ZFYVE9: variants seen among roughly 807,000 people sequenced by gnomAD.
ZFYVE9 encodes the protein zinc finger FYVE domain-containing protein 9.
Under a neutral mutation model 126.7 loss-of-function variants are expected in ZFYVE9, and 43 were observed. The ratio of observed to expected loss-of-function variants is 0.34; its 90% CI spans 0.27 to 0.44. The LOEUF (loss-of-function observed/expected upper bound fraction) is 0.44, where lower values mean the gene tolerates loss of function less well. Ranked by LOEUF, ZFYVE9 falls within the 20% of genes least tolerant of loss-of-function variation. The pLI is 1.00. For missense variants in ZFYVE9, 1,476 were observed against 1,697.0 expected (o/e 0.87, Z 2.29); for synonymous variants, 521 against 597.4 (o/e 0.87, Z 1.87).
chr1:52,251,900 A>G (rs1645451095), intron 4 of ZFYVE9, among the ~76,000 whole-genome samples: 2 of 151,502 alleles, frequency 1.3e-5, no homozygotes, highest in African/African-American at 2.4e-5. Flanking sequence ...TCTGTTTATT[A>G]CTGATTCAGT....
At chr1:52,185,855 G>A (rs958773665) in intron 1 of ZFYVE9, among the ~76,000 whole-genome samples, 2 of 151,602 alleles carry the variant, frequency 1.3e-5, no homozygotes, top group African/African-American at 4.9e-5. Context: ...GGGAGGCAGA[G>A]GTTGCAGTGA....
chr1:52,191,960 C>T (rs1644819710), intron 1 of ZFYVE9, among the ~76,000 whole-genome samples: 1 of 151,420 alleles, frequency 6.6e-6, no homozygotes, highest in Non-Finnish European at 1.5e-5. Flanking sequence ...GAGACTAAAA[C>T]ATGAAAAATA....
chr1:52,210,410 A>ACTC (rs1460669696), intron 1 of ZFYVE9, among the ~76,000 whole-genome samples: 2 of 150,298 alleles, frequency 1.3e-5, no homozygotes, highest in African/African-American at 5.0e-5. Flanking sequence ...CCTAAACTGT[A>ACTC]CTCTAAGAGA....
intron 4 of ZFYVE9, among the ~76,000 whole-genome samples, chr1:52,256,774 TATG>T (rs1167396008): frequency 7.1e-6 from 1 of 141,010 alleles, no homozygotes; most frequent in Non-Finnish European, 1.6e-5. Context: ...CTTTAGATCT[TATG>T]ATACTGATTT....
At chr1:52,166,251 G>A (rs1277351425) in intron 1 of ZFYVE9, among the ~76,000 whole-genome samples, 1 of 152,178 alleles carries the variant, frequency 6.6e-6, no homozygotes, top group Non-Finnish European at 1.5e-5. Context: ...TAAGGTGCAA[G>A]CAGTTCTACC....
chr1:52,307,501 T>G (rs1646095801), intron 13 of ZFYVE9, among the ~76,000 whole-genome samples: 1 of 152,180 alleles, frequency 6.6e-6, no homozygotes, highest in Non-Finnish European at 1.5e-5. Context: ...CCTCCCAAAG[T>G]GCTAGAATTA....
In ZFYVE9 at chr1:52,216,373, A is replaced by G; in HGVS notation, c.-138A>G. The G allele has an allele frequency of 2.5e-6, 1 of 398,508 alleles. No individual in the cohort carries two copies. The highest frequency in any genetic ancestry group is 4.4e-6 in the Non-Finnish European group (1 of 225,960). 24.7% of individuals were successfully genotyped at this position (398,508 alleles called of 1,614,324 possible). A position where few individuals can be genotyped will look rare whatever the true frequency, so the allele number is the denominator to read the frequency against. On this transcript the variant is annotated 5_prime_UTR_variant, in exon 2 of 19. Transcript: ENST00000287727. ...AGCAATGTGTTTTTCCTTTAGGATC[A>G]AACAGAGCATACTGAATCAGCAGGA... is the stretch of plus-strand genomic sequence containing the variant.
At chr1:52,263,173 G>A (rs1326043543) in intron 4 of ZFYVE9, among the ~76,000 whole-genome samples, 1 of 151,884 alleles carries the variant, frequency 6.6e-6, no homozygotes, top group Non-Finnish European at 1.5e-5. Flanking sequence ...AGATTACCAG[G>A]AACCAAGCCC....
Position 52,332,883 on chromosome 1 carries a change from C to T in ZFYVE9, c.3554C>T (p.Thr1185Ile). The T allele has an allele frequency of 1.2e-6, 2 of 1,614,108 alleles. No individual in the cohort carries two copies. Among genetic ancestry groups the T allele is most frequent in the Non-Finnish European group, 1.7e-6 (2 of 1,180,022 alleles). ...CVQNDDGNYQ[T>I]QAISIHNQPR... is the part of the protein sequence containing the mutation. Reference sequence around the variant, plus strand: ...CAGAATGATGATGGAAACTATCAGACCCAGGCTATCAGTATTCACAATCAG... The same window carrying T: ...CAGAATGATGATGGAAACTATCAGATCCAGGCTATCAGTATTCACAATCAG... Residue 1185 changes from threonine to isoleucine, a missense_variant, in exon 14 of 19, where the codon ACC (threonine) becomes ATC (isoleucine). By Grantham distance (89) the Thr-to-Ile change is moderately conservative. Around this residue, in one of 2 missense-constraint regions of ZFYVE9, gnomAD observed 669 missense variants for 902.4 expected, o/e 0.74. Coordinates refer to ENST00000287727, the MANE Select transcript of ZFYVE9 (RefSeq NM_004799.4).
At chr1:52,176,435 C>G (rs558436829) in intron 1 of ZFYVE9, among the ~76,000 whole-genome samples, 25 of 152,354 alleles carry the variant, frequency 1.6e-4, no homozygotes, top group African/African-American at 5.5e-4. Flanking sequence ...TTAGGCTGGT[C>G]AAGGGTCAAG....
At chr1:52,344,072 A>T (rs1646463909) in intron 17 of ZFYVE9, among the ~76,000 whole-genome samples, 1 of 133,730 alleles carries the variant, frequency 7.5e-6, no homozygotes, top group Admixed American at 7.4e-5. Context: ...CTTTGTTTCC[A>T]AAAAAAAAAA....
intron 10 of ZFYVE9, 121 bp from the exon 11 acceptor site, chr1:52,293,332 T>C: frequency 2.4e-6 from 2 of 820,288 alleles, no homozygotes; most frequent in East Asian, 6.1e-5. Flanking sequence ...TGAGCCAAGA[T>C]TGCGCCACTG....
chr1:52,162,943 C>A, intron 1 of ZFYVE9: 1 of 498,176 alleles, frequency 2.0e-6, no homozygotes, highest in South Asian at 2.2e-5. Flanking sequence ...CAATTTTACA[C>A]AAGCAGGAGT....
chr1:52,332,738 G>C (rs1476899203), intron 13 of ZFYVE9, 30 bp from the exon 14 acceptor site: 2 of 1,597,932 alleles, frequency 1.3e-6, no homozygotes, highest in Admixed American at 3.5e-5. Context: ...GCCCATTCTT[G>C]TCAGAATAAG....
intron 4 of ZFYVE9, among the ~76,000 whole-genome samples, chr1:52,251,059 GTTGT>G (rs1553128809): frequency 5.1e-5 from 5 of 98,372 alleles, no homozygotes; most frequent in Middle Eastern, 3.9e-3. Context: ...TGTTGTTGTT[GTTGT>G]TTGTTTGTTT....
intron 13 of ZFYVE9, among the ~76,000 whole-genome samples, chr1:52,330,732 G>A (rs1386165524): frequency 1.3e-5 from 2 of 152,108 alleles, no homozygotes; most frequent in African/African-American, 4.8e-5. Flanking sequence ...GGGTCTTTGT[G>A]ACCTGTATCT....
intron 10 of ZFYVE9, 128 bp from the exon 11 acceptor site, chr1:52,293,325 G>A (rs1645941109): frequency 1.3e-6 from 1 of 759,424 alleles, no homozygotes; most frequent in Non-Finnish European, 1.9e-6. Context: ...CTTGCAGTGA[G>A]CCAAGATTGC....
At chr1:52,323,096 G>A (rs1350032834) in intron 13 of ZFYVE9, among the ~76,000 whole-genome samples, 2 of 152,160 alleles carry the variant, frequency 1.3e-5, no homozygotes, top group Non-Finnish European at 2.9e-5. Context: ...GAGCCACCAC[G>A]CCCGGCCCTC....
intron 1 of ZFYVE9, among the ~76,000 whole-genome samples, chr1:52,202,614 GT>G (rs1391332126): frequency 6.6e-6 from 1 of 151,764 alleles, no homozygotes; most frequent in Non-Finnish European, 1.5e-5. Flanking sequence ...CCGACAGTCT[GT>G]GTCTTTTCAT....
Sources: allele counts gnomAD v4.1 joint callset (sites outside exome capture counted in the v4.1 genomes callset), GRCh38; gene constraint gnomAD v4.1.1; regional missense constraint gnomAD v4.1.1; transcripts MANE v1.5; gene names NCBI Gene and HGNC (gene_info 2026-07-23, HGNC 2026-07-21).